MEIS1: variants seen among roughly 807,000 people sequenced by gnomAD.
MEIS1 encodes homeobox protein Meis1.
Under a neutral mutation model 50.8 loss-of-function variants are expected in MEIS1, and 5 were observed. That is an observed-to-expected ratio of 0.10 (90% CI 0.05 to 0.21). The LOEUF is 0.21. Ranked by LOEUF, MEIS1 falls within the 10% of genes least tolerant of loss-of-function variation. MEIS1 has a pLI of 1.00. For missense variants in MEIS1, 318 were observed against 517.3 expected (o/e 0.61, Z 3.74); for synonymous variants, 176 against 179.3 (o/e 0.98, Z 0.15).
At chr2:66,552,208 C>T (rs1674939299) in intron 9 of MEIS1, among the ~76,000 whole-genome samples, 1 of 152,246 alleles carries the variant, frequency 6.6e-6, no homozygotes, top group African/African-American at 2.4e-5. Flanking sequence ...AAACTTATCT[C>T]TTGTACTTGT....
intron 6 of MEIS1, among the ~76,000 whole-genome samples, chr2:66,455,780 T>G (rs939384048): frequency 2.0e-5 from 3 of 152,196 alleles, no homozygotes; most frequent in Admixed American, 6.5e-5. Context: ...GATAGCAGAT[T>G]TTAAAAATAT....
At chr2:66,486,717 C>T (rs1673152296) in intron 7 of MEIS1, among the ~76,000 whole-genome samples, 2 of 152,180 alleles carry the variant, frequency 1.3e-5, no homozygotes, top group South Asian at 4.1e-4. Context: ...GATATTGATT[C>T]TTCCTATCCG....
intron 8 of MEIS1, among the ~76,000 whole-genome samples, chr2:66,514,347 A>G (rs1673909963): frequency 6.6e-6 from 1 of 152,182 alleles, no homozygotes; most frequent in Non-Finnish European, 1.5e-5. Flanking sequence ...CAAACAAACA[A>G]ACAAAAAACC....
chr2:66,519,339 G>A (rs1030270577), intron 8 of MEIS1, among the ~76,000 whole-genome samples: 1 of 152,166 alleles, frequency 6.6e-6, no homozygotes, highest in African/African-American at 2.4e-5. Flanking sequence ...TAGGGATTGT[G>A]TAGATCCACA....
At position 66,450,564 on chromosome 2, in the gene MEIS1, A is replaced by G. The variant is rs115857521; in HGVS notation, c.630+7516A>G. 4.6e-3 allele frequency among the ~76,000 whole-genome samples: 708 copies of G among 152,356 alleles called. 10 individuals are homozygous for G. Among genetic ancestry groups the G allele is most frequent in the African/African-American group, 0.016 (679 of 41,584 alleles). On this transcript the variant is annotated intron_variant, in intron 6 of 12. Coordinates refer to ENST00000272369, the MANE Select transcript of MEIS1 (RefSeq NM_002398.3). ...CCACAACCTTATGAGTTTAACAAAT[A>G]TTAGCAACTGTTATAGTTGTGCTGC...
rs1345253581 is a variant in MEIS1 at position 66,573,291 on chromosome 2, G to A, written c.*2083G>A. On this transcript the variant is annotated 3_prime_UTR_variant, in exon 13 of 13. Coordinates refer to ENST00000272369, the MANE Select transcript of MEIS1 (RefSeq NM_002398.3). ...AAAATAATATGTTTAAGCTGGAATAGCTTATAATTTTATTTAAATAAAATT... is the reference window on the plus strand; with the variant it reads ...AAAATAATATGTTTAAGCTGGAATAACTTATAATTTTATTTAAATAAAATT... The A allele has an allele frequency of 6.6e-6, 1 of 152,286 alleles. No individual in the cohort carries two copies. Among genetic ancestry groups the A allele is most frequent in the East Asian group, 1.9e-4 (1 of 5,182 alleles). The allele number at this position is 152,286 out of a possible 1,614,324, so 9.4% of individuals were successfully genotyped here.
At chr2:66,508,290 A>T (rs954289846) in intron 7 of MEIS1, among the ~76,000 whole-genome samples, 2 of 152,200 alleles carry the variant, frequency 1.3e-5, no homozygotes, top group African/African-American at 4.8e-5. Flanking sequence ...AGAGAGTAGC[A>T]AAGTACTGTA....
intron 6 of MEIS1, among the ~76,000 whole-genome samples, chr2:66,449,766 C>G (rs1268479599): frequency 6.6e-6 from 1 of 152,156 alleles, no homozygotes; most frequent in Non-Finnish European, 1.5e-5. Flanking sequence ...TCTTCAAACA[C>G]TCTTGCTAAA....
chr2:66,442,767 G>T (rs1228751315), intron 5 of MEIS1, 135 bp from the exon 6 acceptor site: 6 of 756,700 alleles, frequency 7.9e-6, no homozygotes, highest in African/African-American at 3.7e-5. Flanking sequence ...GCGTCTGGGG[G>T]TCTCTGGAGG....
intron 8 of MEIS1, among the ~76,000 whole-genome samples, chr2:66,521,318 A>C (rs1354444723): frequency 6.6e-6 from 1 of 151,744 alleles, no homozygotes; most frequent in East Asian, 1.9e-4. Flanking sequence ...CCTCATGCAG[A>C]TCCTAACTAA....
At chr2:66,453,603 A>C (rs1179088096) in intron 6 of MEIS1, among the ~76,000 whole-genome samples, 1 of 152,036 alleles carries the variant, frequency 6.6e-6, no homozygotes, top group East Asian at 1.9e-4. Context: ...CAGTGGGCTT[A>C]AAGATGCAGA....
Position 66,439,991 on chromosome 2 carries a change from A to C in MEIS1, c.381+7A>C, listed in dbSNP as rs1671913058. The C allele has an allele frequency of 6.2e-7, 1 of 1,604,818 alleles. No individual in the cohort carries two copies. Among genetic ancestry groups the C allele is most frequent in the East Asian group, 2.2e-5 (1 of 44,668 alleles). On this transcript the variant is annotated splice_region_variant and intron_variant, in intron 3 of 12. Coordinates refer to ENST00000272369, the MANE Select transcript of MEIS1 (RefSeq NM_002398.3). ...AGCCGTGTTCGCCAAACAGGTCAGC[A>C]AAATAGATGTTAAAAAGTAAAAGAA...
chr2:66,440,738 G>A (rs1174043534), intron 4 of MEIS1, 126 bp downstream of exon 4: 1 of 651,164 alleles, frequency 1.5e-6, no homozygotes, highest in South Asian at 2.0e-5. Flanking sequence ...CAGGTTGGCT[G>A]CAAATGTTTC....
chr2:66,475,983 C>T (rs1231991917), intron 7 of MEIS1, among the ~76,000 whole-genome samples: 2 of 152,156 alleles, frequency 1.3e-5, no homozygotes, highest in African/African-American at 4.8e-5. Context: ...CTTCTCTTGT[C>T]TGTCTCCTTC....
At chr2:66,440,041 C>G in intron 3 of MEIS1, 57 bp downstream of exon 3, 1 of 1,407,200 alleles carries the variant, frequency 7.1e-7, no homozygotes, top group Non-Finnish European at 9.5e-7. Flanking sequence ...CCCCCTTCGC[C>G]AACACACACG....
chr2:66,557,484 T>C lies in MEIS1; in HGVS notation c.965+9465T>C, dbSNP rs181172882. Among the ~76,000 whole-genome samples the C allele has an allele frequency of 1.2e-4, 19 of 152,282 alleles. No homozygotes were observed. In the East Asian group the frequency reaches 2.9e-3, roughly 23 times the overall value. Reference sequence around the variant, plus strand: ...CTGGCAACCACTAATCTACTTTCTGTCTCTATATTTGCCTATTCTAGACAT... The same window carrying C: ...CTGGCAACCACTAATCTACTTTCTGCCTCTATATTTGCCTATTCTAGACAT... On this transcript the variant is annotated intron_variant, in intron 9 of 12. Transcript: ENST00000272369.
intron 7 of MEIS1, among the ~76,000 whole-genome samples, chr2:66,510,851 G>A (rs1316845037): frequency 6.6e-6 from 1 of 152,082 alleles, no homozygotes; most frequent in Non-Finnish European, 1.5e-5. Context: ...TTTTATGTAG[G>A]ACCTAATAAC....
intron 7 of MEIS1, among the ~76,000 whole-genome samples, chr2:66,494,539 G>T (rs1395645403): frequency 6.6e-6 from 1 of 152,194 alleles, no homozygotes; most frequent in Non-Finnish European, 1.5e-5. Flanking sequence ...TATGCTCAAA[G>T]AGCTTATAGT....
intron 9 of MEIS1, among the ~76,000 whole-genome samples, chr2:66,555,509 C>T (rs1396304363): frequency 6.6e-6 from 1 of 152,108 alleles, no homozygotes; most frequent in Non-Finnish European, 1.5e-5. Context: ...GAAACAAACT[C>T]GGCTAAGAGG....
Sources: gnomAD v4.1 joint callset for allele counts (sites outside exome capture counted in the v4.1 genomes callset) on GRCh38, gnomAD v4.1.1 for gene constraint, MANE v1.5 for transcripts, NCBI Gene and HGNC (gene_info 2026-07-23, HGNC 2026-07-21) for gene names.